The following FAM135B variants were observed in gnomAD, a reference collection of about 807,000 sequenced individuals.
The protein encoded by FAM135B is protein FAM135B.
Under a neutral mutation model 127.7 loss-of-function variants are expected in FAM135B, and 43 were observed. The ratio of observed to expected loss-of-function variants is 0.34; its 90% confidence interval spans 0.26 to 0.43. The LOEUF (loss-of-function observed/expected upper bound fraction) is 0.43, where lower values mean the gene tolerates loss of function less well. Ranked by LOEUF, FAM135B falls within the 20% of genes least tolerant of loss-of-function variation. FAM135B has a pLI of 1.00. For missense variants in FAM135B, 1,558 were observed against 1,725.6 expected (o/e 0.90, Z 1.72); for synonymous variants, 670 against 665.1 (o/e 1.01, Z -0.11).
rs1331380262 is a variant in FAM135B, at chr8:138,245,487, C to T, written c.543-2419G>A. Among the ~76,000 whole-genome samples the T allele has an allele frequency of 4.6e-5, 7 of 152,094 alleles. No individual in the cohort carries two copies. In the East Asian group the frequency reaches 1.2e-3, roughly 25 times the overall value. On this transcript the variant is annotated intron_variant, in intron 6 of 19. Transcript: ENST00000395297. ...CTGATGGTTTTATAAGGGGCTTTCC[C>T]CCATTTGCTCAGCACTTCTCCTTGC...
At chr8:138,229,326 A>G (rs566545082) in intron 7 of FAM135B, among the ~76,000 whole-genome samples, 1 of 152,214 alleles carries the variant, frequency 6.6e-6, no homozygotes, top group African/African-American at 2.4e-5. Flanking sequence ...GATCTGACCC[A>G]TCTCCCATTA....
At chr8:138,177,479 C>A in intron 10 of FAM135B, 59 bp from the exon 11 acceptor site, 1 of 1,393,772 alleles carries the variant, frequency 7.2e-7, no homozygotes, top group Non-Finnish European at 9.8e-7. Flanking sequence ...CCTGCACTTT[C>A]TTTTTTTTTA....
chr8:138,415,887 G>A (rs1237451201), intron 1 of FAM135B, among the ~76,000 whole-genome samples: 1 of 152,214 alleles, frequency 6.6e-6, no homozygotes, highest in East Asian at 1.9e-4. Flanking sequence ...TATCTCCATT[G>A]GTTTCACGGT....
intron 7 of FAM135B, among the ~76,000 whole-genome samples, chr8:138,239,343 C>G (rs796446469): frequency 3.3e-5 from 5 of 152,296 alleles, no homozygotes; most frequent in African/African-American, 1.2e-4. Flanking sequence ...TGTCTATTGG[C>G]TGCATAAATG....
intron 2 of FAM135B, among the ~76,000 whole-genome samples, chr8:138,365,957 T>C (rs998340745): frequency 7.2e-5 from 11 of 152,190 alleles, no homozygotes; most frequent in African/African-American, 2.7e-4. Context: ...GATTTCCATT[T>C]TTTTTTTCTT....
At chr8:138,234,931 C>A (rs1439605522) in intron 7 of FAM135B, among the ~76,000 whole-genome samples, 1 of 152,200 alleles carries the variant, frequency 6.6e-6, no homozygotes, top group Non-Finnish European at 1.5e-5. Context: ...GGGCCCCAGG[C>A]ACCTTTGCCT....
intron 7 of FAM135B, among the ~76,000 whole-genome samples, chr8:138,210,869 A>G (rs112566116): frequency 0.029 from 4,472 of 152,128 alleles, 130 homozygotes; most frequent in East Asian, 0.15. Context: ...GCATACACAC[A>G]CCCATGTAGC....
chr8:138,318,764 A>T (rs544847754), intron 2 of FAM135B, among the ~76,000 whole-genome samples: 1 of 152,372 alleles, frequency 6.6e-6, no homozygotes, highest in South Asian at 2.1e-4. Context: ...TCTTACTTCA[A>T]GAACTTAATT....
chr8:138,306,163 G>C (rs1055980268), intron 3 of FAM135B, among the ~76,000 whole-genome samples: 8 of 152,150 alleles, frequency 5.3e-5, no homozygotes, highest in African/African-American at 1.9e-4. Flanking sequence ...GGCCAGGCGT[G>C]GTGGCTCACG....
chr8:138,266,274 C>T (rs1822915873), intron 3 of FAM135B, among the ~76,000 whole-genome samples: 2 of 152,104 alleles, frequency 1.3e-5, no homozygotes, highest in South Asian at 4.1e-4. Context: ...TAGAGTCTCT[C>T]CCTTCTCAAA....
chr8:138,468,544 A>G (rs1837499233), intron 1 of FAM135B, among the ~76,000 whole-genome samples: 1 of 152,182 alleles, frequency 6.6e-6, no homozygotes, highest in Admixed American at 6.5e-5. Context: ...GTTGCAATTT[A>G]CATGCAATAT....
At chr8:138,316,606 C>T (rs1827113068) in intron 2 of FAM135B, among the ~76,000 whole-genome samples, 1 of 152,162 alleles carries the variant, frequency 6.6e-6, no homozygotes, top group African/African-American at 2.4e-5. Context: ...ATTATGCAGG[C>T]AAAGTGGATC....
chr8:138,387,706 G>C (rs118173094), intron 1 of FAM135B, among the ~76,000 whole-genome samples: 1 of 152,048 alleles, frequency 6.6e-6, no homozygotes, highest in Non-Finnish European at 1.5e-5. Context: ...CCACAGAGGG[G>C]ATTACTAAGG....
intron 1 of FAM135B, among the ~76,000 whole-genome samples, chr8:138,433,419 G>A (rs1205294641): frequency 0.062 from 1 of 16 alleles, no homozygotes; most frequent in Non-Finnish European, 0.083. Flanking sequence ...CTACTCAGGA[G>A]GCTTGAGGCA....
At chr8:138,313,783 T>C (rs1826872879) in intron 2 of FAM135B, among the ~76,000 whole-genome samples, 1 of 52,326 alleles carries the variant, frequency 1.9e-5, no homozygotes, top group Non-Finnish European at 5.9e-5. Context: ...GACCTCAGTA[T>C]CTGTGTATTC....
At chr8:138,426,149 T>TAC (rs1834880765) in intron 1 of FAM135B, among the ~76,000 whole-genome samples, 1 of 149,926 alleles carries the variant, frequency 6.7e-6, no homozygotes, top group African/African-American at 2.4e-5. Flanking sequence ...TATATATATA[T>TAC]ATAATGCTAA....
At chr8:138,298,799 C>T (rs1825657415) in intron 3 of FAM135B, among the ~76,000 whole-genome samples, 1 of 152,062 alleles carries the variant, frequency 6.6e-6, no homozygotes, top group Non-Finnish European at 1.5e-5. Context: ...AAGGAACACA[C>T]AATGGGAGGG....
intron 2 of FAM135B, among the ~76,000 whole-genome samples, chr8:138,324,330 T>G (rs149424939): frequency 6.6e-6 from 1 of 152,256 alleles, no homozygotes. Flanking sequence ...ATAGCATTTA[T>G]TCTTCAATTT....
intron 3 of FAM135B, among the ~76,000 whole-genome samples, chr8:138,307,227 TA>T (rs1196459165): frequency 6.6e-6 from 1 of 152,218 alleles, no homozygotes; most frequent in Non-Finnish European, 1.5e-5. Flanking sequence ...ATCTGAGTTT[TA>T]AAAAGAGGAG....
Sources: gnomAD v4.1 joint callset for allele counts (sites outside exome capture counted in the v4.1 genomes callset) on GRCh38, gnomAD v4.1.1 for gene constraint, MANE v1.5 for transcripts, NCBI Gene and HGNC (gene_info 2026-07-23, HGNC 2026-07-21) for gene names.